The following CDC40 variants were observed in gnomAD, a reference collection of about 807,000 sequenced individuals.
The protein encoded by CDC40 is cell division cycle 40.
Under a neutral mutation model 80.6 loss-of-function variants are expected in CDC40, and 27 were observed. The ratio of observed to expected loss-of-function variants is 0.33; its 90% CI spans 0.25 to 0.46. The LOEUF is 0.46. CDC40 is among the 20% of genes least tolerant of loss of function. CDC40 has a pLI of 1.00. For synonymous variants in CDC40, 221 were observed against 232.6 expected (o/e 0.95, Z 0.45); for missense variants, 486 against 694.1 (o/e 0.70, Z 3.37).
At chr6:110,204,155 A>C (rs1777530950) in intron 3 of CDC40, among the ~76,000 whole-genome samples, 1 of 152,000 alleles carries the variant, frequency 6.6e-6, no homozygotes, top group African/African-American at 2.4e-5. Context: ...CTGGGACTAC[A>C]GGCACCCGCC....
chr6:110,225,325 C>T (rs1777839394), intron 12 of CDC40, among the ~76,000 whole-genome samples: 1 of 151,982 alleles, frequency 6.6e-6, no homozygotes. Flanking sequence ...ACGAAAACTC[C>T]TTTCAGAAAA....
chr6:110,199,744 T>TC (rs1252759166), intron 2 of CDC40, among the ~76,000 whole-genome samples: 2 of 152,180 alleles, frequency 1.3e-5, no homozygotes, highest in Non-Finnish European at 2.9e-5. Context: ...CAATGATTGG[T>TC]CATCTGTTAT....
At chr6:110,185,244 T>TTC in intron 1 of CDC40, among the ~76,000 whole-genome samples, 2 of 141,998 alleles carry the variant, frequency 1.4e-5, no homozygotes, top group South Asian at 4.6e-4. Flanking sequence ...TTTTTTTCTT[T>TTC]TTTTTTTTTT....
At chr6:110,222,125 C>G (rs1336535962) in intron 12 of CDC40, among the ~76,000 whole-genome samples, 1 of 151,880 alleles carries the variant, frequency 6.6e-6, no homozygotes, top group African/African-American at 2.4e-5. Flanking sequence ...TGTGGTGGCA[C>G]AGGCCTGTAG....
chr6:110,203,680 C>T lies in CDC40; in HGVS notation c.406+1993C>T, dbSNP rs1562202913. On this transcript the variant is annotated intron_variant, in intron 3 of 14. Coordinates refer to ENST00000307731, the MANE Select transcript of CDC40 (RefSeq NM_015891.3). Reference sequence around the variant, plus strand: ...GCAGTTAGTTTATCATAGAGCCCACCTGTAGAGTCCTTATCACTGAAAATA... The same window carrying T: ...GCAGTTAGTTTATCATAGAGCCCACTTGTAGAGTCCTTATCACTGAAAATA... Among the ~76,000 whole-genome samples, 3 of 152,194 alleles carry T rather than the reference C, an allele frequency of 2.0e-5. 1 individual carries two copies. Among genetic ancestry groups the T allele is most frequent in the Admixed American group, 2.0e-4 (3 of 15,276 alleles).
intron 3 of CDC40, among the ~76,000 whole-genome samples, chr6:110,205,690 A>G (rs1777552478): frequency 6.6e-6 from 1 of 152,194 alleles, no homozygotes; most frequent in African/African-American, 2.4e-5. Flanking sequence ...ACCCTTCCAG[A>G]CGCGTCATGA....
chr6:110,185,701 A>G (rs903790048), intron 1 of CDC40, among the ~76,000 whole-genome samples: 1 of 152,178 alleles, frequency 6.6e-6, no homozygotes, highest in African/African-American at 2.4e-5. Flanking sequence ...TAAGCTAGAA[A>G]CTAACCACAA....
At chr6:110,202,122 A>T (rs192927788) in intron 3 of CDC40, among the ~76,000 whole-genome samples, 5 of 152,214 alleles carry the variant, frequency 3.3e-5, no homozygotes, top group African/African-American at 1.2e-4. Flanking sequence ...ACTGAAGGGT[A>T]TCAGGAAAGA....
intron 2 of CDC40, among the ~76,000 whole-genome samples, chr6:110,196,000 T>C (rs971771677): frequency 1.3e-5 from 2 of 152,132 alleles, no homozygotes; most frequent in Admixed American, 6.5e-5. Flanking sequence ...AACAGGGATA[T>C]AGATTAGTGA....
chr6:110,193,489 C>T (rs564210257), intron 2 of CDC40, among the ~76,000 whole-genome samples: 1 of 152,140 alleles, frequency 6.6e-6, no homozygotes, highest in Admixed American at 6.5e-5. Context: ...ACTGCAAGCT[C>T]CGCCTCCTGG....
chr6:110,193,251 AC>A lies in CDC40; in HGVS notation c.261del (p.Met88CysfsTer52). On this transcript the variant is annotated frameshift_variant, in exon 2 of 15. Transcript: ENST00000307731. LOFTEE classifies it high-confidence loss of function. ...AGTTCAGTATAATCCTACCTATGAG[AC>A]CATGTTTGCTCCTGAGGTAAGAAAA... The part of the protein sequence containing the change: ...KEVQYNPTYE[T>X]MFAPEFGPEN... The A allele has an allele frequency of 6.2e-7, 1 of 1,600,816 alleles. No individual in the cohort carries two copies. The highest frequency in any genetic ancestry group is 8.6e-7 in the Non-Finnish European group (1 of 1,167,978).
At chr6:110,180,722 T>G (rs1777172643) in intron 1 of CDC40, 89 bp downstream of exon 1, 2 of 881,844 alleles carry the variant, frequency 2.3e-6, no homozygotes, top group Non-Finnish European at 3.6e-6. Context: ...GGTTACCTCT[T>G]TCTCAGTGCT....
rs143278445 is a variant in CDC40 at position 110,197,186 on chromosome 6, A to G, written c.276+3918A>G. Among the ~76,000 whole-genome samples, 164 of 152,336 alleles carry G rather than the reference A, an allele frequency of 1.1e-3. 1 individual carries two copies. The highest frequency in any genetic ancestry group is 3.8e-3 in the African/African-American group (156 of 41,582). On this transcript the variant is annotated intron_variant, in intron 2 of 14. Coordinates refer to ENST00000307731, the MANE Select transcript of CDC40 (RefSeq NM_015891.3). The stretch of plus-strand genomic sequence containing the variant: ...TTAAGAGTGCTTTTCTCCCAACTCT[A>G]TAAGTAAACCACTACTTCATTCAGT...
chr6:110,213,742 C>A (rs1777666662), intron 8 of CDC40, among the ~76,000 whole-genome samples: 3 of 152,104 alleles, frequency 2.0e-5, no homozygotes, highest in African/African-American at 7.2e-5. Context: ...TGTAATTCAT[C>A]CTTTTTCTTC....
At chr6:110,213,001 T>A in intron 7 of CDC40, 85 bp from the exon 8 acceptor site, 1 of 944,208 alleles carries the variant, frequency 1.1e-6, no homozygotes, top group Non-Finnish European at 1.8e-6. Context: ...ATTAGGCTGC[T>A]TAATATATAC....
At chr6:110,189,289 A>G (rs1458971255) in intron 1 of CDC40, among the ~76,000 whole-genome samples, 2 of 152,180 alleles carry the variant, frequency 1.3e-5, no homozygotes, top group African/African-American at 4.8e-5. Flanking sequence ...AAACTTATTT[A>G]TATATTATAT....
intron 13 of CDC40, among the ~76,000 whole-genome samples, chr6:110,227,668 AAAAT>A (rs141197618): frequency 0.012 from 1,826 of 152,294 alleles, 12 homozygotes; most frequent in South Asian, 0.029. Flanking sequence ...AATATTCAAC[AAAAT>A]AAACAATAAA....
intron 2 of CDC40, among the ~76,000 whole-genome samples, chr6:110,198,147 T>C (rs1461282215): frequency 6.6e-6 from 1 of 151,944 alleles, no homozygotes; most frequent in Non-Finnish European, 1.5e-5. Context: ...TGGTGATTAG[T>C]AATGTTGAGT....
chr6:110,207,670 G>T, intron 4 of CDC40, 81 bp downstream of exon 4: 2 of 749,046 alleles, frequency 2.7e-6, no homozygotes, highest in South Asian at 1.6e-5. Context: ...TAATTAGACA[G>T]TAAAAAATAG....
Sources: gnomAD v4.1 joint callset for allele counts (sites outside exome capture counted in the v4.1 genomes callset) on GRCh38, gnomAD v4.1.1 for gene constraint, MANE v1.5 for transcripts, NCBI Gene and HGNC (gene_info 2026-07-23, HGNC 2026-07-21) for gene names.